The following RASGRP2 variants were observed in gnomAD, a reference collection of about 807,000 sequenced individuals.
RASGRP2 encodes RAS guanyl-releasing protein 2.
In RASGRP2, 44 loss-of-function variants were observed where a neutral mutation model predicts 71.0. That is an observed-to-expected ratio of 0.62 (90% confidence interval 0.49 to 0.80). The LOEUF is 0.80. Among genes scored for constraint, RASGRP2 ranks in the 30% least tolerant of loss-of-function variants. RASGRP2 has a pLI of 0.00. For synonymous variants in RASGRP2, 350 were observed against 330.7 expected, an observed-to-expected ratio of 1.06 and a Z score of -0.63; for missense variants, 663 against 813.4, an observed-to-expected ratio of 0.82 and a Z score of 2.25.
At position 64,740,132 on chromosome 11, in the gene RASGRP2, G is replaced by A; in HGVS notation, c.403C>T (p.Gln135Ter). ...PTYKWKRQVTQRNPVGQKKRK... is the reference protein window; with the variant it reads ...PTYKWKRQVT ...TTTTTCTGTCCCACAGGGTTCCGCT[G>A]AGTCACCTGCCGCTTCCACTTGTAG... Residue 135 changes from glutamine to a stop codon, truncating the protein, a stop_gained, in exon 6 of 17, where the codon CAG (glutamine) becomes TAG (stop). Coordinates refer to ENST00000394432, the MANE Select transcript of RASGRP2 (RefSeq NM_001098671.2). LOFTEE classifies it high-confidence loss of function. The A allele has an allele frequency of 6.2e-7, 1 of 1,614,140 alleles. No individual in the cohort carries two copies. The highest frequency in any genetic ancestry group is 8.5e-7 in the Non-Finnish European group (1 of 1,180,032).
intron 14 of RASGRP2, 151 bp downstream of exon 14, chr11:64,729,611 A>T: frequency 3.0e-6 from 3 of 992,668 alleles, no homozygotes; most frequent in Non-Finnish European, 4.7e-6. Flanking sequence ...TGCTGGGATT[A>T]CAGGCTTGAG....
intron 13 of RASGRP2, 87 bp downstream of exon 13, chr11:64,729,966 C>A (rs2057708393): frequency 5.9e-6 from 9 of 1,526,536 alleles, no homozygotes; most frequent in South Asian, 1.2e-5. Context: ...TTGAGAAGGG[C>A]TCTGGCAGAG....
rs75259448 is a variant in RASGRP2 at position 64,735,402 on chromosome 11, G to C, written c.1296+140C>G. 7.0e-6 allele frequency: 10 copies of C among 1,434,484 alleles called. No homozygotes were observed. The highest frequency in any genetic ancestry group is 1.2e-5 in the South Asian group (1 of 86,918). 88.9% of individuals were successfully genotyped at this position (1,434,484 alleles called of 1,614,324 possible). A position where few individuals can be genotyped will look rare whatever the true frequency, so the allele number is the denominator to read the frequency against. On this transcript the variant is annotated intron_variant, in intron 11 of 16. Transcript: ENST00000394432. This position sits in a 1 kb window ranked among gnomAD's most constrained non-coding sequence, Gnocchi z 4.2. ...CCCTACCCAGGGGCACTTCAGCCCC[G>C]TGCAGCTGGCCTGCCAGGCCCTGTG...
rs1249056869 is a variant in RASGRP2, at chr11:64,741,971, TCCGACGGCGGGGGCCTTGGCAAGG to T, written c.176+15_176+38del. On this transcript the variant is annotated intron_variant, in intron 3 of 16. Transcript: ENST00000394432. ...CTGGGCAGAGGGGCTGCGCATGGGC[TCCGACGGCGGGGGCCTTGGCAAGG>T]CCGGCGAAGGATATATGTGGAGCAG... The T allele has an allele frequency of 6.4e-7, 1 of 1,561,580 alleles. No individual in the cohort carries two copies. Among genetic ancestry groups the T allele is most frequent in the Non-Finnish European group, 8.8e-7 (1 of 1,141,566 alleles).
In RASGRP2 at chr11:64,741,473, T is replaced by TG. The variant is rs1565519601; in HGVS notation, c.204dup (p.Asn69GlnfsTer23). The TG allele has an allele frequency of 1.3e-6, 2 of 1,580,780 alleles. No individual in the cohort carries two copies. Among genetic ancestry groups the TG allele is most frequent in the Admixed American group, 3.6e-5 (2 of 55,072 alleles). On this transcript the variant is annotated frameshift_variant, in exon 4 of 17. Coordinates refer to ENST00000394432, the MANE Select transcript of RASGRP2 (RefSeq NM_001098671.2). LOFTEE classifies it high-confidence loss of function. ...TGGCACGTTTTCACCTGCAGGGAAT[T>TG]GGAGTTGTCCTTCCGGGATTGTTGG...
chr11:64,743,883 A>G lies in RASGRP2; in HGVS notation c.-72+120T>C. On this transcript the variant is annotated intron_variant, in intron 1 of 16. Coordinates refer to ENST00000394432, the MANE Select transcript of RASGRP2 (RefSeq NM_001098671.2). This position sits in a 1 kb window ranked among gnomAD's most constrained non-coding sequence, Gnocchi z 4.9. ...AGGCCGGGGACCTAAGTGGAGGTGC[A>G]GGCGTCCGCACTTACACGCACCGGG... 1 of 645,262 alleles carries G rather than the reference A, an allele frequency of 1.5e-6. No individual in the cohort carries two copies. Among genetic ancestry groups the G allele is most frequent in the Non-Finnish European group, 2.0e-6 (1 of 503,172 alleles). 40.0% of individuals were successfully genotyped at this position (645,262 alleles called of 1,614,324 possible).
At chr11:64,740,799 G>A in intron 5 of RASGRP2, 149 bp downstream of exon 5, 2 of 1,009,552 alleles carry the variant, frequency 2.0e-6, no homozygotes, top group Non-Finnish European at 3.1e-6. Flanking sequence ...GCCCAGAGGA[G>A]GCATGTTGAA....
chr11:64,736,509 C>T (rs1008505362), intron 9 of RASGRP2, among the ~76,000 whole-genome samples: 8 of 152,156 alleles, frequency 5.3e-5, no homozygotes, highest in African/African-American at 9.7e-5. Flanking sequence ...GAACTCAACC[C>T]GGGACCCAGG....
In RASGRP2 at chr11:64,736,894, C is replaced by T. The variant is rs148512923; in HGVS notation, c.954G>A (p.Leu318=). ...LKDLVALQLA[L]PDWLDPARTR... ...TCCGGGCTGGGTCCAGCCAGTCAGG[C>T]AGTGCCAGCTGCAGGGCCACCAGGT... The change falls in exon 9 of 17, where the codon CTG becomes CTA. Residue 318 remains leucine (L), a synonymous_variant. Coordinates refer to ENST00000394432, the MANE Select transcript of RASGRP2 (RefSeq NM_001098671.2). 1.9e-5 allele frequency: 31 copies of T among 1,613,810 alleles called. No individual in the cohort carries two copies. Among genetic ancestry groups the T allele is most frequent in the Non-Finnish European group, 2.5e-5 (29 of 1,180,046 alleles).
Position 64,739,315 on chromosome 11 carries a change from G to A in RASGRP2, c.813+45C>T. Reference sequence around the variant, plus strand: ...CCCAGTGCTGCTGGGAGGACCCAGTGAAGACAGACCTGGGAAGCACCGGCC... The same window carrying A: ...CCCAGTGCTGCTGGGAGGACCCAGTAAAGACAGACCTGGGAAGCACCGGCC... On this transcript the variant is annotated intron_variant, in intron 8 of 16. Transcript: ENST00000394432. The surrounding 1 kb of genome is among the most constrained non-coding windows in gnomAD (Gnocchi z 4.2). The A allele has an allele frequency of 6.8e-7, 1 of 1,470,046 alleles. No homozygotes were observed. Among genetic ancestry groups the A allele is most frequent in the Non-Finnish European group, 9.5e-7 (1 of 1,048,844 alleles). The allele number at this position is 1,470,046 out of a possible 1,614,324, so 91.1% of individuals were successfully genotyped here.
rs1442737741 is a variant in RASGRP2 at position 64,739,499 on chromosome 11, G to A, written c.697-23C>T. ...CTTCTGGAAGGCAAATGGGGACGGA[G>A]AGGCAGGGAGTCACTGAGTGGGCCC... On this transcript the variant is annotated intron_variant, in intron 7 of 16. Transcript: ENST00000394432. This position sits in a 1 kb window ranked among gnomAD's most constrained non-coding sequence, Gnocchi z 4.2. The A allele has an allele frequency of 6.2e-7, 1 of 1,612,052 alleles. No individual in the cohort carries two copies. The highest frequency in any genetic ancestry group is 1.3e-5 in the African/African-American group (1 of 74,906).
At position 64,726,979 on chromosome 11, in the gene RASGRP2, C is replaced by T; in HGVS notation, c.*159G>A. On this transcript the variant is annotated 3_prime_UTR_variant, in exon 17 of 17. Transcript: ENST00000394432. ...CAAATATTCACAAGAGTCTGTACAA[C>T]CTTAGGGACACCAGCCCTGGCCCTG... 2.6e-6 allele frequency: 1 copy of T among 386,004 alleles called. No homozygotes were observed. Among genetic ancestry groups the T allele is most frequent in the Non-Finnish European group, 5.0e-6 (1 of 201,012 alleles). The allele number at this position is 386,004 out of a possible 1,614,324, so 23.9% of individuals were successfully genotyped here.
chr11:64,734,363 G>A (rs565197551), intron 12 of RASGRP2, among the ~76,000 whole-genome samples: 1 of 151,854 alleles, frequency 6.6e-6, no homozygotes, highest in South Asian at 2.1e-4. Flanking sequence ...CTGTTGCCCA[G>A]GCTGGGCTCA....
rs547630944 is a variant in RASGRP2, at chr11:64,735,032, C to G, written c.1412+80G>C. 4 of 1,133,678 alleles carry G rather than the reference C, an allele frequency of 3.5e-6. No individual in the cohort carries two copies. Among genetic ancestry groups the G allele is most frequent in the Admixed American group, 3.4e-5 (2 of 58,716 alleles). The allele number at this position is 1,133,678 out of a possible 1,614,324, so 70.2% of individuals were successfully genotyped here. On this transcript the variant is annotated intron_variant, in intron 12 of 16. Coordinates refer to ENST00000394432, the MANE Select transcript of RASGRP2 (RefSeq NM_001098671.2). This position sits in a 1 kb window ranked among gnomAD's most constrained non-coding sequence, Gnocchi z 4.2. ...AGATCATCTGGCTCAGTGACCTCAT[C>G]TTGCACACAAGAAACTGAAGCCCAG...
rs780382741 is a variant in RASGRP2, at chr11:64,737,034, G to A, written c.814C>T (p.Leu272Phe). ...HSHVSPETIK[L>F]WEGLTELVTA... is the part of the protein sequence containing the mutation. ...ACTAGTTCCGTGAGACCCTCCCAGA[G>A]CTGGGGACAAAGGACAGAGGAGTCA... is the stretch of plus-strand genomic sequence containing the variant. Residue 272 changes from leucine to phenylalanine, a missense_variant and splice_region_variant, in exon 9 of 17, where the codon CTC (leucine) becomes TTC (phenylalanine). Coordinates refer to ENST00000394432, the MANE Select transcript of RASGRP2 (RefSeq NM_001098671.2). 1.4e-5 allele frequency: 23 copies of A among 1,613,748 alleles called. No individual in the cohort carries two copies. The highest frequency in any genetic ancestry group is 1.9e-5 in the Non-Finnish European group (23 of 1,180,006).
At chr11:64,737,471 C>T (rs937767266) in intron 8 of RASGRP2, among the ~76,000 whole-genome samples, 22 of 151,466 alleles carry the variant, frequency 1.5e-4, no homozygotes, top group Non-Finnish European at 2.8e-4. Context: ...GAGATGGAGA[C>T]CATCTTGGCC....
chr11:64,736,518 G>C (rs541097523), intron 9 of RASGRP2, among the ~76,000 whole-genome samples: 1 of 152,146 alleles, frequency 6.6e-6, no homozygotes, highest in Non-Finnish European at 1.5e-5. Flanking sequence ...CCGGGACCCA[G>C]GCCCAGTTCA....
At chr11:64,738,830 GA>G (rs1159865053) in intron 8 of RASGRP2, among the ~76,000 whole-genome samples, 1 of 151,752 alleles carries the variant, frequency 6.6e-6, no homozygotes, top group Admixed American at 6.6e-5. Context: ...AAGAAAAGAA[GA>G]AACTACAAGT....
intron 12 of RASGRP2, among the ~76,000 whole-genome samples, chr11:64,731,043 T>G (rs2057749206): frequency 6.6e-6 from 1 of 152,088 alleles, no homozygotes; most frequent in African/African-American, 2.4e-5. Context: ...CAAGGGAGCA[T>G]TAGGATAACT....
Sources: allele counts gnomAD v4.1 joint callset (sites outside exome capture counted in the v4.1 genomes callset), GRCh38; gene constraint gnomAD v4.1.1; non-coding constraint Gnocchi (gnomAD v3.1); transcripts MANE v1.5; gene names NCBI Gene and HGNC (gene_info 2026-07-23, HGNC 2026-07-21).